The following CCDC62 variants were observed in gnomAD, a reference collection of about 807,000 sequenced individuals.
CCDC62 encodes coiled-coil domain-containing protein 62.
A neutral mutation model predicts 80.8 loss-of-function variants in CCDC62; 72 were observed. That is an observed-to-expected ratio of 0.89 (90% CI 0.74 to 1.08). The LOEUF is 1.08. Ranked by LOEUF, CCDC62 falls within the 50% of genes least tolerant of loss-of-function variation. The pLI is 0.00. For synonymous variants in CCDC62, 286 were observed against 296.5 expected (o/e 0.96, Z 0.36); for missense variants, 704 against 809.4 (o/e 0.87, Z 1.58).
intron 11 of CCDC62, among the ~76,000 whole-genome samples, chr12:122,822,383 C>T (rs1420111504): frequency 4.6e-5 from 7 of 151,896 alleles, no homozygotes; most frequent in Non-Finnish European, 8.8e-5. Context: ...GGATTACAGG[C>T]GTGAGCCACT....
At chr12:122,784,427 A>C (rs1339180842) in intron 3 of CCDC62, among the ~76,000 whole-genome samples, 2 of 152,202 alleles carry the variant, frequency 1.3e-5, no homozygotes, top group African/African-American at 4.8e-5. Context: ...AGGCTGAGGC[A>C]GGAGAATCAC....
chr12:122,819,414 C>G (rs1450726655), intron 11 of CCDC62, among the ~76,000 whole-genome samples: 1 of 152,176 alleles, frequency 6.6e-6, no homozygotes, highest in African/African-American at 2.4e-5. Context: ...TTCAGTCCTC[C>G]TGTTGGGGAA....
At chr12:122,807,141 G>C (rs2031651143) in intron 10 of CCDC62, among the ~76,000 whole-genome samples, 1 of 152,140 alleles carries the variant, frequency 6.6e-6, no homozygotes, top group African/African-American at 2.4e-5. Context: ...GGCCAAAGTG[G>C]AAGAATTGCT....
intron 11 of CCDC62, among the ~76,000 whole-genome samples, chr12:122,822,574 A>ATTTTTTT (rs71085861): frequency 8.5e-6 from 1 of 117,780 alleles, no homozygotes; most frequent in Non-Finnish European, 1.6e-5. Flanking sequence ...TGAGTTCCAC[A>ATTTTTTT]TTTTTTTTTT....
chr12:122,774,733 G>A, intron 1 of CCDC62, 27 bp downstream of exon 1: 3 of 1,244,702 alleles, frequency 2.4e-6, no homozygotes, highest in African/African-American at 3.1e-5. Context: ...GGCGCGGCGG[G>A]GCGCCGCGGG....
chr12:122,791,664 G>A (rs2030613503), intron 5 of CCDC62, among the ~76,000 whole-genome samples: 3 of 152,200 alleles, frequency 2.0e-5, no homozygotes, highest in Admixed American at 6.5e-5. Context: ...GGCCAGGCTG[G>A]TCTCGAACTC....
intron 5 of CCDC62, among the ~76,000 whole-genome samples, chr12:122,790,055 AC>A (rs770099420): frequency 3.3e-5 from 5 of 151,686 alleles, no homozygotes; most frequent in Non-Finnish European, 7.4e-5. Context: ...CAATATTAAA[AC>A]TTTTTTTTTT....
chr12:122,802,536 C>T (rs1393935225), intron 9 of CCDC62, among the ~76,000 whole-genome samples: 3 of 151,562 alleles, frequency 2.0e-5, no homozygotes, highest in Middle Eastern at 3.4e-3. Context: ...GCCTCAGCCT[C>T]CCAAGTAGCT....
chr12:122,825,771 AGGT>A (rs2032598901), intron 12 of CCDC62, among the ~76,000 whole-genome samples: 1 of 149,144 alleles, frequency 6.7e-6, no homozygotes, highest in Non-Finnish European at 1.5e-5. Flanking sequence ...GGATCGCCTG[AGGT>A]CAGGAGTTTG....
At chr12:122,812,777 G>GAGAGAAAGAAAGAAAGAAAGAAAGAA (rs750420995) in intron 10 of CCDC62, among the ~76,000 whole-genome samples, 1 of 57,758 alleles carries the variant, frequency 1.7e-5, no homozygotes, top group African/African-American at 7.8e-5. Flanking sequence ...GAGAGAGAGA[G>GAGAGAAAGAAAGAAAGAAAGAAAGAA]AGAAAGAAAG....
At chr12:122,825,993 CAAAA>C (rs61129769) in intron 12 of CCDC62, among the ~76,000 whole-genome samples, 4,254 of 110,356 alleles carry the variant, frequency 0.039, 92 homozygotes, top group South Asian at 0.078. Flanking sequence ...AACTCCGTCT[CAAAA>C]AAAAAAAAAA....
At chr12:122,800,863 A>G (rs1301569973) in intron 8 of CCDC62, among the ~76,000 whole-genome samples, 1 of 152,266 alleles carries the variant, frequency 6.6e-6, no homozygotes, top group Non-Finnish European at 1.5e-5. Flanking sequence ...AGGAAGATTT[A>G]TTAAAAGGTT....
chr12:122,806,174 C>A lies in CCDC62; in HGVS notation c.1730C>A (p.Ser577Tyr). 6.2e-7 allele frequency: 1 copy of A among 1,612,654 alleles called. No homozygotes were observed. The highest frequency in any genetic ancestry group is 1.1e-5 in the South Asian group (1 of 90,884). ...AGTGAGCTAATTGCCATCCAAGATT[C>A]CCACTCTTTGGGTTCTTCAAAATCT... ...PASELIAIQDSHSLGSSKSAL... is the reference protein window; with the variant it reads ...PASELIAIQDYHSLGSSKSAL... Residue 577 changes from serine to tyrosine, a missense_variant, in exon 10 of 13, where the codon TCC becomes TAC. Ser to Tyr is a moderately radical substitution (Grantham distance 144, BLOSUM62 -2). Coordinates refer to ENST00000253079, the MANE Select transcript of CCDC62 (RefSeq NM_201435.5).
In CCDC62 at chr12:122,787,343, C is replaced by G. The variant is rs543382360; in HGVS notation, c.499-1415C>G. On this transcript the variant is annotated intron_variant, in intron 4 of 12. Coordinates refer to ENST00000253079, the MANE Select transcript of CCDC62 (RefSeq NM_201435.5). ...GCACACGCCTGTAATGCCAGCTACT[C>G]TGGAGGCTGGGGTGGGAGGATCCCC... 6.8e-4 allele frequency among the ~76,000 whole-genome samples: 103 copies of G among 151,936 alleles called. 1 individual carries two copies. The highest frequency in any genetic ancestry group is 2.1e-3 in the African/African-American group (87 of 41,424).
At chr12:122,821,736 T>G (rs1173357306) in intron 11 of CCDC62, among the ~76,000 whole-genome samples, 1 of 151,986 alleles carries the variant, frequency 6.6e-6, no homozygotes, top group Non-Finnish European at 1.5e-5. Context: ...CGTGAGCCAC[T>G]GTGCGTAGCC....
chr12:122,777,695 A>G lies in CCDC62; in HGVS notation c.229+12A>G. On this transcript the variant is annotated intron_variant, in intron 2 of 12. Coordinates refer to ENST00000253079, the MANE Select transcript of CCDC62 (RefSeq NM_201435.5). ...CAGCAAATTAGAAGGTCAGAAATAC[A>G]TTCAGGGACAACAGTTATGCACTTC... 1 of 1,611,092 alleles carries G rather than the reference A, an allele frequency of 6.2e-7. No individual in the cohort carries two copies. The highest frequency in any genetic ancestry group is 1.7e-5 in the Admixed American group (1 of 59,984).
intron 11 of CCDC62, among the ~76,000 whole-genome samples, chr12:122,816,249 C>A (rs1244472727): frequency 6.6e-6 from 1 of 152,154 alleles, no homozygotes. Flanking sequence ...GTCTCTGAGG[C>A]ATTAGTGAAG....
chr12:122,800,695 G>A (rs1055114945), intron 8 of CCDC62, among the ~76,000 whole-genome samples: 5 of 152,246 alleles, frequency 3.3e-5, no homozygotes, highest in South Asian at 4.1e-4. Context: ...CCAAAGTACC[G>A]GGATTACAGG....
intron 8 of CCDC62, among the ~76,000 whole-genome samples, chr12:122,800,475 G>A (rs189779947): frequency 2.4e-4 from 36 of 147,300 alleles, no homozygotes; most frequent in African/African-American, 7.8e-4. Context: ...CACCCAGACT[G>A]GAGTGCCAAT....
Sources: allele counts gnomAD v4.1 joint callset (sites outside exome capture counted in the v4.1 genomes callset), GRCh38; gene constraint gnomAD v4.1.1; transcripts MANE v1.5; gene names NCBI Gene and HGNC (gene_info 2026-07-23, HGNC 2026-07-21).